Variants in NDUFB8 observed in about 807,000 individuals in gnomAD.
The protein encoded by NDUFB8 is NADH dehydrogenase [ubiquinone] 1 beta subcomplex subunit 8, mitochondrial.
A neutral mutation model predicts 26.0 loss-of-function variants in NDUFB8; 17 were observed. That is an observed-to-expected ratio of 0.65 (90% CI 0.45 to 0.98). The LOEUF is 0.98. NDUFB8 is among the 50% of genes least tolerant of loss of function. NDUFB8 has a pLI of 0.00. For synonymous variants in NDUFB8, 89 were observed against 93.1 expected (o/e 0.96, Z 0.25); for missense variants, 238 against 255.0 (o/e 0.93, Z 0.45).
rs1385302293 is a variant in NDUFB8, at chr10:100,529,445, G to A, written c.147C>T (p.Ala49=). 4 of 1,612,722 alleles carry A rather than the reference G, an allele frequency of 2.5e-6. No individual in the cohort carries two copies. In the Admixed American group the frequency reaches 6.7e-5, roughly 27 times the overall value. ...GPYPRTPEER[A]AAAKKYNMRV... ...GCATATTATACTTCTTGGCGGCGGC[G>A]GCCCGTTCTTCTGGGGTCCTAGGAT... is the stretch of plus-strand genomic sequence containing the variant. The change falls in exon 2 of 5, where the codon GCC becomes GCT. Residue 49 remains alanine (A), a synonymous_variant. Transcript: ENST00000299166.
upstream of NDUFB8, chr10:100,529,882 A>C: frequency 6.2e-7 from 1 of 1,610,078 alleles, no homozygotes; most frequent in Non-Finnish European, 8.5e-7. Flanking sequence ...CCTTCTGCAC[A>C]TGCGCAAAGG....
At chr10:100,529,065 T>C in intron 2 of NDUFB8, 1 of 205,536 alleles carries the variant, frequency 4.9e-6, no homozygotes, top group Non-Finnish European at 9.7e-6. Context: ...CAGCAGATGC[T>C]CAATCTAAAT....
At chr10:100,527,153 A>G in intron 2 of NDUFB8, 79 bp from the exon 3 acceptor site, 3 of 1,165,150 alleles carry the variant, frequency 2.6e-6, no homozygotes, top group Non-Finnish European at 3.8e-6. Flanking sequence ...TATAGATGAG[A>G]AACAAAGTGA....
chr10:100,529,123 G>C, intron 2 of NDUFB8: 1 of 313,754 alleles, frequency 3.2e-6, no homozygotes, highest in South Asian at 5.1e-5. Context: ...TGCTATTCGG[G>C]GGTCCTCGAG....
Position 100,524,119 on chromosome 10 carries a change from G to A in NDUFB8, c.469-190C>T. 3 of 1,573,694 alleles carry A rather than the reference G, an allele frequency of 1.9e-6. No individual in the cohort carries two copies. Among genetic ancestry groups the A allele is most frequent in the South Asian group, 1.2e-5 (1 of 86,108 alleles). ...CCAAGGCAGAGAGAAAGCCTAAATT[G>A]TAAGAGAAGTGGTGCCTACACTGTG... On this transcript the variant is annotated intron_variant, in intron 4 of 4. Coordinates refer to ENST00000299166, the MANE Select transcript of NDUFB8 (RefSeq NM_005004.4). This position sits in a 1 kb window ranked among gnomAD's most constrained non-coding sequence, Gnocchi z 4.0.
intron 2 of NDUFB8, 67 bp from the exon 3 acceptor site, chr10:100,527,141 CT>C: frequency 9.9e-6 from 13 of 1,308,252 alleles, no homozygotes; most frequent in East Asian, 2.4e-5. Context: ...GTCTCCTCAT[CT>C]TATAGATGAG....
At chr10:100,526,373 T>G (rs772903870) in intron 4 of NDUFB8, 26 bp downstream of exon 4, 7 of 1,563,544 alleles carry the variant, frequency 4.5e-6, no homozygotes, top group Non-Finnish European at 6.0e-6. Flanking sequence ...CAAGCGTGCC[T>G]AAGGGAGCAC....
chr10:100,524,161 G>T lies in NDUFB8; in HGVS notation c.469-232C>A, dbSNP rs777509296. The T allele has an allele frequency of 7.1e-6, 11 of 1,557,550 alleles. No individual in the cohort carries two copies. The highest frequency in any genetic ancestry group is 1.9e-5 in the Admixed American group (1 of 53,096). On this transcript the variant is annotated intron_variant, in intron 4 of 4. Coordinates refer to ENST00000299166, the MANE Select transcript of NDUFB8 (RefSeq NM_005004.4). This position sits in a 1 kb window ranked among gnomAD's most constrained non-coding sequence, Gnocchi z 4.0. The stretch of plus-strand genomic sequence containing the variant: ...TACACTGTGAGAGAGAAGGAGAAAG[G>T]GGGAGGGAAGGGGGTTAGGGAAAGG...
At position 100,527,060 on chromosome 10, in the gene NDUFB8, G is replaced by A. The variant is rs1239013578; in HGVS notation, c.227C>T (p.Pro76Leu). Reference sequence around the variant, plus strand: ...ATGCTGTGAGCGGTCAGGGAGCTTCGGGTAGTCGCCATACCTGAAAGACAG... The same window carrying A: ...ATGCTGTGAGCGGTCAGGGAGCTTCAGGTAGTCGCCATACCTGAAAGACAG... ...PDDGMGYGDYPKLPDRSQHER... is the reference protein window; with the variant it reads ...PDDGMGYGDYLKLPDRSQHER... Residue 76 changes from proline (P) to leucine (L), a missense_variant, in exon 3 of 5, where the codon CCG becomes CTG. Pro to Leu is a moderately conservative substitution (Grantham distance 98). Transcript: ENST00000299166. The A allele has an allele frequency of 3.7e-6, 6 of 1,614,008 alleles. No homozygotes were observed. The highest frequency in any genetic ancestry group is 5.1e-6 in the Non-Finnish European group (6 of 1,179,966).
At chr10:100,525,274 C>T (rs767255353) in intron 4 of NDUFB8, among the ~76,000 whole-genome samples, 108 of 146,396 alleles carry the variant, frequency 7.4e-4, no homozygotes, top group Non-Finnish European at 1.2e-3. Flanking sequence ...TTTTTTTTTT[C>T]GAGACAGAGT....
chr10:100,527,515 A>G (rs188470871), intron 2 of NDUFB8, among the ~76,000 whole-genome samples: 8 of 152,306 alleles, frequency 5.3e-5, no homozygotes, highest in Admixed American at 5.2e-4. Flanking sequence ...AGGCAGGAGA[A>G]TCACTTGAAC....
chr10:100,526,311 T>C (rs1276680548), intron 4 of NDUFB8, 88 bp downstream of exon 4: 11 of 1,446,220 alleles, frequency 7.6e-6, no homozygotes, highest in East Asian at 7.3e-5. Context: ...AAGCTTGGTA[T>C]TGACTGGATT....
At chr10:100,526,918 A>C (rs781635097) in intron 3 of NDUFB8, 57 bp downstream of exon 3, 1 of 1,510,464 alleles carries the variant, frequency 6.6e-7, no homozygotes, top group Non-Finnish European at 9.2e-7. Flanking sequence ...TCTGAGCTAA[A>C]GAATCGCCAA....
chr10:100,526,674 A>G, intron 3 of NDUFB8, 120 bp from the exon 4 acceptor site: 1 of 1,247,378 alleles, frequency 8.0e-7, no homozygotes, highest in Non-Finnish European at 1.1e-6. Flanking sequence ...CTGGGACAAT[A>G]TGCTGAGAAC....
chr10:100,529,773 G>A lies in NDUFB8; in HGVS notation c.79C>T (p.Arg27Trp). The A allele has an allele frequency of 1.2e-6, 2 of 1,613,006 alleles. No individual in the cohort carries two copies. Among genetic ancestry groups the A allele is most frequent in the Admixed American group, 3.3e-5 (2 of 59,956 alleles). The change falls in exon 1 of 5, where the codon CGG becomes TGG. Residue 27 changes from arginine (R) to tryptophan (W), a missense_variant. Transcript: ENST00000299166. ...ASRNVMPLGA[R>W]TASHMTKDMF... ...CTCGCCCGTTCTCGCGGACCTGTCCGTGCGCCCAGCGGCATCACGTTCCGG... is the reference window on the plus strand; with the variant it reads ...CTCGCCCGTTCTCGCGGACCTGTCCATGCGCCCAGCGGCATCACGTTCCGG...
intron 1 of NDUFB8, 124 bp downstream of exon 1, chr10:100,529,643 A>C (rs899824832): frequency 1.3e-6 from 2 of 1,534,428 alleles, no homozygotes; most frequent in Non-Finnish European, 1.8e-6. Flanking sequence ...TTTTCTGGAT[A>C]TATCAACGCC....
rs1055868798 is a variant in NDUFB8, at chr10:100,524,639, A to G, written c.469-710T>C. Among the ~76,000 whole-genome samples the G allele has an allele frequency of 2.0e-5, 3 of 152,224 alleles. No individual in the cohort carries two copies. The highest frequency in any genetic ancestry group is 2.1e-4 in the South Asian group (1 of 4,832). On this transcript the variant is annotated intron_variant, in intron 4 of 4. Coordinates refer to ENST00000299166, the MANE Select transcript of NDUFB8 (RefSeq NM_005004.4). The surrounding 1 kb of genome is among the most constrained non-coding windows in gnomAD (Gnocchi z 4.0). ...TTGGTAGGAAGGCTCGTGTCAGTGCACACAGACATACCAGCTACCTTCAGG... is the reference window on the plus strand; with the variant it reads ...TTGGTAGGAAGGCTCGTGTCAGTGCGCACAGACATACCAGCTACCTTCAGG...
At chr10:100,525,617 TG>T (rs1852031961) in intron 4 of NDUFB8, among the ~76,000 whole-genome samples, 1 of 546 alleles carries the variant, frequency 1.8e-3, no homozygotes, top group South Asian at 0.25. Context: ...ACCCAAAGCG[TG>T]TGTGTGTGTG....
At chr10:100,525,717 CGT>C (rs71013460) in intron 4 of NDUFB8, among the ~76,000 whole-genome samples, 3,580 of 45,922 alleles carry the variant, frequency 0.078, 672 homozygotes, top group South Asian at 0.096. Flanking sequence ...TAAGCACATA[CGT>C]GTGTGTGTGT....
Sources: allele counts gnomAD v4.1 joint callset (sites outside exome capture counted in the v4.1 genomes callset), GRCh38; gene constraint gnomAD v4.1.1; non-coding constraint Gnocchi (gnomAD v3.1); transcripts MANE v1.5; gene names NCBI Gene and HGNC (gene_info 2026-07-23, HGNC 2026-07-21).